Variants in SERINC5 observed in about 807,000 individuals in gnomAD.
SERINC5 encodes the protein serine incorporator 5, also known as chromosome 5 open reading frame 12.
SERINC5 carries 41 observed loss-of-function variants against 63.1 expected under a neutral mutation model. That is an observed-to-expected ratio of 0.65 (90% confidence interval 0.51 to 0.84). The LOEUF (loss-of-function observed/expected upper bound fraction) is 0.84, where lower values mean the gene tolerates loss of function less well. Among genes scored for constraint, SERINC5 ranks in the 40% least tolerant of loss-of-function variants. The pLI is 0.00. For missense variants in SERINC5, 523 were observed against 573.0 expected, an observed-to-expected ratio of 0.91 and a Z score of 0.89; for synonymous variants, 222 against 215.2, an observed-to-expected ratio of 1.03 and a Z score of -0.28.
intron 1 of SERINC5, among the ~76,000 whole-genome samples, chr5:80,252,058 C>CTT (rs3038416): frequency 4.3e-4 from 44 of 103,514 alleles, no homozygotes; most frequent in African/African-American, 5.9e-4. Flanking sequence ...TTTTCTTTTC[C>CTT]TTTTTTTTTT....
intron 8 of SERINC5, chr5:80,157,908 ATAG>A (rs1275685321): frequency 6.6e-6 from 1 of 152,206 alleles, no homozygotes; most frequent in Non-Finnish European, 1.5e-5. Context: ...TCCCTTTCTA[ATAG>A]TAGAAGTTGT....
chr5:80,150,168 A>G (rs1241594464), intron 9 of SERINC5, among the ~76,000 whole-genome samples: 1 of 152,178 alleles, frequency 6.6e-6, no homozygotes, highest in Non-Finnish European at 1.5e-5. Context: ...CAGCTATTAC[A>G]TAATCTCACA....
intron 2 of SERINC5, among the ~76,000 whole-genome samples, chr5:80,200,411 A>G (rs1484077334): frequency 6.6e-6 from 1 of 151,208 alleles, no homozygotes; most frequent in Non-Finnish European, 1.5e-5. Context: ...GCGTGAACCC[A>G]GGAGGCAGAG....
At chr5:80,182,523 A>G (rs1748500207) in intron 2 of SERINC5, among the ~76,000 whole-genome samples, 1 of 141,704 alleles carries the variant, frequency 7.1e-6, no homozygotes, top group Non-Finnish European at 1.5e-5. Context: ...TCAACATGCC[A>G]TAAGCTTCTA....
chr5:80,133,059 T>G (rs967869035), intron 11 of SERINC5, among the ~76,000 whole-genome samples: 1 of 152,160 alleles, frequency 6.6e-6, no homozygotes, highest in African/African-American at 2.4e-5. Context: ...GTCTTCGCAA[T>G]AGTAAGTTCT....
At chr5:80,238,902 T>C (rs1359199881) in intron 1 of SERINC5, among the ~76,000 whole-genome samples, 2 of 152,178 alleles carry the variant, frequency 1.3e-5, no homozygotes, top group Admixed American at 1.3e-4. Flanking sequence ...AGACAGCAGA[T>C]TATCTTTGGG....
chr5:80,218,153 TGTCTCAGA>T (rs1338998653), intron 1 of SERINC5, among the ~76,000 whole-genome samples: 1 of 152,222 alleles, frequency 6.6e-6, no homozygotes, highest in East Asian at 1.9e-4. Flanking sequence ...CAGTTTCAAG[TGTCTCAGA>T]GTCTAATACA....
At chr5:80,253,522 CCT>C (rs1489182017) in intron 1 of SERINC5, among the ~76,000 whole-genome samples, 10 of 152,272 alleles carry the variant, frequency 6.6e-5, no homozygotes, top group Middle Eastern at 3.4e-3. Flanking sequence ...CCTCCCACAG[CCT>C]CTCACTGCAA....
intron 1 of SERINC5, among the ~76,000 whole-genome samples, chr5:80,221,404 T>A (rs1202627389): frequency 2.6e-5 from 4 of 152,190 alleles, no homozygotes; most frequent in African/African-American, 9.7e-5. Flanking sequence ...TCCCGTGCGA[T>A]CACACACGAC....
intron 9 of SERINC5, 73 bp from the exon 10 acceptor site, chr5:80,147,357 CCTTATTTGAA>C: frequency 6.7e-7 from 1 of 1,492,218 alleles, no homozygotes; most frequent in Non-Finnish European, 9.2e-7. Context: ...CAACAGTAAC[CCTTATTTGAA>C]CCACCTCCCA....
chr5:80,155,254 A>G (rs1746442650), intron 8 of SERINC5, among the ~76,000 whole-genome samples: 1 of 152,204 alleles, frequency 6.6e-6, no homozygotes, highest in South Asian at 2.1e-4. Context: ...AGGGGTGTGG[A>G]GGGATGCGCC....
intron 8 of SERINC5, among the ~76,000 whole-genome samples, chr5:80,153,156 C>T (rs889694509): frequency 6.6e-6 from 1 of 152,162 alleles, no homozygotes; most frequent in East Asian, 1.9e-4. Flanking sequence ...TGTTACCCTA[C>T]ATTAAGATCT....
Position 80,245,457 on chromosome 5 carries a change from C to A in SERINC5, c.27+10439G>T, listed in dbSNP as rs572337612. Among the ~76,000 whole-genome samples, 8 of 152,274 alleles carry A rather than the reference C, an allele frequency of 5.3e-5. No homozygotes were observed. In the South Asian group the frequency reaches 1.7e-3, roughly 32 times the overall value. On this transcript the variant is annotated intron_variant, in intron 1 of 11. Transcript: ENST00000507668. ...AAGGTGCAAAGCTGAGGCAAACAAA[C>A]CCTCAATCCAGTCTGTGAAGAAGCA...
At chr5:80,159,614 TCACCAGAAAG>T (rs1746760452) in intron 7 of SERINC5, among the ~76,000 whole-genome samples, 1 of 152,144 alleles carries the variant, frequency 6.6e-6, no homozygotes, top group Admixed American at 6.5e-5. Flanking sequence ...TGGGGGCTGG[TCACCAGAAAG>T]ACCAAGGTAG....
intron 5 of SERINC5, among the ~76,000 whole-genome samples, chr5:80,170,319 T>C (rs1747567720): frequency 6.6e-6 from 1 of 152,138 alleles, no homozygotes; most frequent in African/African-American, 2.4e-5. Flanking sequence ...TATGGGAAGA[T>C]ACACATCTTG....
chr5:80,123,557 C>T (rs2112238974), intron 11 of SERINC5, among the ~76,000 whole-genome samples: 1 of 152,288 alleles, frequency 6.6e-6, no homozygotes, highest in South Asian at 2.1e-4. Flanking sequence ...GCTTCCTGCC[C>T]TTATAGTGAG....
At chr5:80,210,787 G>A (rs908556355) in intron 1 of SERINC5, among the ~76,000 whole-genome samples, 3 of 152,190 alleles carry the variant, frequency 2.0e-5, no homozygotes, top group African/African-American at 7.2e-5. Context: ...CAACTCTAGC[G>A]AAGTGACCTG....
rs141001532 is a variant in SERINC5 at position 80,130,336 on chromosome 5, C to T, written c.1238+15754G>A. On this transcript the variant is annotated intron_variant, in intron 11 of 12. Transcript: ENST00000509193. ...CAGAGGTTGCAGTGAGCCAAGATCG[C>T]GCCACTGCACTCCAACCTGGGCAAC... is the stretch of plus-strand genomic sequence containing the variant. Among the ~76,000 whole-genome samples, 1,089 of 151,898 alleles carry T rather than the reference C, an allele frequency of 7.2e-3. 15 individuals carry two copies. Among genetic ancestry groups the T allele is most frequent in the African/African-American group, 0.025 (1,029 of 41,426 alleles).
chr5:80,233,046 T>C (rs1751523424), intron 1 of SERINC5, among the ~76,000 whole-genome samples: 1 of 152,218 alleles, frequency 6.6e-6, no homozygotes, highest in Non-Finnish European at 1.5e-5. Flanking sequence ...TCCACAACTC[T>C]GTAAATATAC....
Sources: gnomAD v4.1 joint callset for allele counts (sites outside exome capture counted in the v4.1 genomes callset) on GRCh38, gnomAD v4.1.1 for gene constraint, MANE v1.5 for transcripts, NCBI Gene and HGNC (gene_info 2026-07-23, HGNC 2026-07-21) for gene names.